Variants in ACTN1 observed in about 807,000 individuals in gnomAD.
ACTN1 encodes actinin alpha 1.
In ACTN1, 30 loss-of-function variants were observed where a neutral mutation model predicts 119.6. That is an observed-to-expected ratio of 0.25 (90% CI 0.19 to 0.34). The LOEUF is 0.34. Ranked by LOEUF, ACTN1 falls within the 10% of genes least tolerant of loss-of-function variation. The pLI, the probability that ACTN1 is intolerant of heterozygous loss-of-function variation, is 1.00. For synonymous variants in ACTN1, 429 were observed against 472.6 expected (o/e 0.91, Z 1.20); for missense variants, 764 against 1,223.4 (o/e 0.62, Z 5.60).
chr14:68,890,826 T>A (rs964440702), intron 10 of ACTN1, among the ~76,000 whole-genome samples: 6 of 152,050 alleles, frequency 3.9e-5, no homozygotes, highest in African/African-American at 9.7e-5. Flanking sequence ...AGATGCTGAG[T>A]GCAAACCCAC....
chr14:68,880,839 C>A lies in ACTN1; in HGVS notation c.2104G>T (p.Asp702Tyr). ...HQLIQEALIFDNKHTNYTMEH... is the reference protein window; with the variant it reads ...HQLIQEALIFYNKHTNYTMEH... Reference sequence around the variant, plus strand: ...ATGGTGTAGTTGGTGTGCTTGTTGTCGAAGATGAGCGCCTCCTGGATGAGC... The same window carrying A: ...ATGGTGTAGTTGGTGTGCTTGTTGTAGAAGATGAGCGCCTCCTGGATGAGC... Residue 702 changes from aspartate to tyrosine, a missense_variant, in exon 17 of 22, where the codon GAC (aspartate) becomes TAC (tyrosine). By Grantham distance (160) the Asp-to-Tyr change is radical. Coordinates refer to ENST00000394419, the MANE Select transcript of ACTN1 (RefSeq NM_001130004.2). The surrounding 1 kb of genome is among the most constrained non-coding windows in gnomAD (Gnocchi z 4.6). 6.2e-7 allele frequency: 1 copy of A among 1,614,130 alleles called. No homozygotes were observed. Among genetic ancestry groups the A allele is most frequent in the Non-Finnish European group, 8.5e-7 (1 of 1,180,016 alleles).
chr14:68,909,200 A>C lies in ACTN1; in HGVS notation c.594+118T>G. 3.0e-6 allele frequency: 3 copies of C among 1,003,978 alleles called. No individual in the cohort carries two copies. The South Asian group carries it at 4.2e-5, about 14-fold the overall frequency. The allele number at this position is 1,003,978 out of a possible 1,614,324, so 62.2% of individuals were successfully genotyped here. A position where few individuals can be genotyped will look rare whatever the true frequency, so the allele number is the denominator to read the frequency against. ...AGTTGGGGCTCTGTCTGGCTATTCT[A>C]AGAGGCCAACACTGCTCAGGCTGGA... On this transcript the variant is annotated intron_variant, in intron 6 of 21. Coordinates refer to ENST00000394419, the MANE Select transcript of ACTN1 (RefSeq NM_001130004.2). This position sits in a 1 kb window ranked among gnomAD's most constrained non-coding sequence, Gnocchi z 4.1.
At position 68,890,166 on chromosome 14, in the gene ACTN1, C is replaced by A. The variant is rs751742619; in HGVS notation, c.1207G>T (p.Ala403Ser). The A allele has an allele frequency of 4.3e-6, 7 of 1,614,056 alleles. 1 individual carries two copies. The South Asian group carries it at 7.7e-5, about 18-fold the overall frequency. ...DHLAEKFRQK[A>S]SIHEAWTDGK... ...TCAGTCCAGGCCTCGTGGATGGAGG[C>A]CTTCTGCCGGAACTTCTCTGCCAGG... is the stretch of plus-strand genomic sequence containing the variant. The change falls in exon 11 of 22, where the codon GCC becomes TCC. Residue 403 changes from alanine (A) to serine (S), a missense_variant. Ala to Ser is a moderately conservative substitution (Grantham distance 99). Transcript: ENST00000394419.
chr14:68,905,426 G>A (rs966214470), intron 6 of ACTN1, among the ~76,000 whole-genome samples: 4 of 152,132 alleles, frequency 2.6e-5, no homozygotes, highest in African/African-American at 4.8e-5. Flanking sequence ...GGTATTACAT[G>A]GTCCTACAAT....
At chr14:68,913,065 T>A (rs1485404837) in intron 3 of ACTN1, among the ~76,000 whole-genome samples, 1 of 152,238 alleles carries the variant, frequency 6.6e-6, no homozygotes, top group Non-Finnish European at 1.5e-5. Context: ...AGATGTTTTT[T>A]TAAAAAATCA....
intron 1 of ACTN1, among the ~76,000 whole-genome samples, chr14:68,929,073 G>A (rs1420373807): frequency 6.6e-6 from 1 of 151,872 alleles, no homozygotes; most frequent in Non-Finnish European, 1.5e-5. Flanking sequence ...CGGGTTCGTG[G>A]GAGAGGGCTG....
intron 3 of ACTN1, among the ~76,000 whole-genome samples, chr14:68,913,797 G>C (rs922447442): frequency 6.6e-6 from 1 of 152,210 alleles, no homozygotes; most frequent in Non-Finnish European, 1.5e-5. Flanking sequence ...GCGGGGCACA[G>C]TCCCACATCC....
At chr14:68,907,141 T>A (rs2006071) in intron 6 of ACTN1, among the ~76,000 whole-genome samples, 151,224 of 151,270 alleles carry the variant, frequency 1, 75,589 homozygotes, top group Non-Finnish European at 1. Flanking sequence ...GGGTGCCTGT[T>A]ATCCCAGCTA....
Position 68,904,672 on chromosome 14 carries a change from T to G in ACTN1, c.659A>C (p.Lys220Thr). 1.2e-6 allele frequency: 2 copies of G among 1,614,110 alleles called. No individual in the cohort carries two copies. The highest frequency in any genetic ancestry group is 1.7e-6 in the Non-Finnish European group (2 of 1,179,964). The change falls in exon 7 of 22, where the codon AAG (lysine) becomes ACG (threonine). Residue 220 changes from lysine to threonine, a missense_variant. Coordinates refer to ENST00000394419, the MANE Select transcript of ACTN1 (RefSeq NM_001130004.2). Reference protein sequence around the residue: ...DVAEKYLDIPKMLDAEDIVGT... With the variant: ...DVAEKYLDIPTMLDAEDIVGT... The stretch of plus-strand genomic sequence containing the variant: ...CCTTTCACCTTCGGCATCCAGCATC[T>G]TGGGGATGTCCAGGTACTTCTCTGC...
At chr14:68,929,483 C>T (rs910150377) in intron 1 of ACTN1, among the ~76,000 whole-genome samples, 3 of 152,132 alleles carry the variant, frequency 2.0e-5, no homozygotes, top group African/African-American at 7.2e-5. Flanking sequence ...TGAAGCCCTG[C>T]CCTATCTGGC....
At chr14:68,967,283 G>A (rs2036738676) in intron 1 of ACTN1, among the ~76,000 whole-genome samples, 3 of 152,176 alleles carry the variant, frequency 2.0e-5, no homozygotes, top group African/African-American at 4.8e-5. Flanking sequence ...CTCAGCATCT[G>A]TCAGTTGTCT....
At chr14:68,944,660 G>T (rs1313243110) in intron 1 of ACTN1, among the ~76,000 whole-genome samples, 2 of 152,158 alleles carry the variant, frequency 1.3e-5, no homozygotes, top group African/African-American at 4.8e-5. Context: ...ACTGATCCTG[G>T]GGGGCTGTAG....
chr14:68,878,964 CG>C lies in ACTN1; in HGVS notation c.2361+24del, dbSNP rs772262943. 1.2e-6 allele frequency: 2 copies of C among 1,612,918 alleles called. No individual in the cohort carries two copies. The highest frequency in any genetic ancestry group is 2.2e-5 in the South Asian group (2 of 91,032). On this transcript the variant is annotated intron_variant, in intron 19 of 21. Transcript: ENST00000394419. This position sits in a 1 kb window ranked among gnomAD's most constrained non-coding sequence, Gnocchi z 4.4. Reference sequence around the variant, plus strand: ...TCTTGCCCCAGACGCCACCCCTGAGCGTGCTCCATGCAGGAGGCGAGTACCT... The same window carrying C: ...TCTTGCCCCAGACGCCACCCCTGAGCTGCTCCATGCAGGAGGCGAGTACCT...
At chr14:68,884,947 C>A in intron 12 of ACTN1, 64 bp from the exon 13 acceptor site, 1 of 1,374,850 alleles carries the variant, frequency 7.3e-7, no homozygotes, top group South Asian at 1.2e-5. Context: ...ATCTCCCTCT[C>A]TCTGAGGCTG....
rs1566626173 is a variant in ACTN1 at position 68,909,306 on chromosome 14, G to A, written c.594+12C>T. 9.3e-6 allele frequency: 15 copies of A among 1,613,508 alleles called. No homozygotes were observed. The highest frequency in any genetic ancestry group is 1.7e-4 in the Middle Eastern group (1 of 5,928). ...AGGGACCCAAAGCGGGTGGTCAGGT[G>A]GGCACACATACCTTCCGCAGCTTCC... On this transcript the variant is annotated intron_variant, in intron 6 of 21. Coordinates refer to ENST00000394419, the MANE Select transcript of ACTN1 (RefSeq NM_001130004.2). The surrounding 1 kb of genome is among the most constrained non-coding windows in gnomAD (Gnocchi z 4.1).
chr14:68,946,715 G>T (rs1405336895), intron 1 of ACTN1, among the ~76,000 whole-genome samples: 4 of 152,166 alleles, frequency 2.6e-5, no homozygotes, highest in African/African-American at 9.7e-5. Flanking sequence ...ATCCTAGTGG[G>T]GCTCAGGGCT....
intron 1 of ACTN1, among the ~76,000 whole-genome samples, chr14:68,936,408 G>C (rs144671986): frequency 6.6e-6 from 1 of 152,222 alleles, no homozygotes; most frequent in African/African-American, 2.4e-5. Context: ...CTGCCTCCAG[G>C]GAGAGAAATG....
intron 8 of ACTN1, chr14:68,900,966 A>T (rs1003443444): frequency 4.6e-5 from 7 of 152,364 alleles, no homozygotes; most frequent in Non-Finnish European, 8.8e-5. Context: ...GAAGGAGAAG[A>T]GGTTGAGAGG....
Position 68,909,942 on chromosome 14 carries a change from C to A in ACTN1, c.515+13G>T. On this transcript the variant is annotated intron_variant, in intron 5 of 21. Coordinates refer to ENST00000394419, the MANE Select transcript of ACTN1 (RefSeq NM_001130004.2). The surrounding 1 kb of genome is among the most constrained non-coding windows in gnomAD (Gnocchi z 4.1). ...CCTGGTTCTGTGAGAGCCCCTCAGACCCCAGCACTCACCTTATGTGGAAGT... is the reference window on the plus strand; with the variant it reads ...CCTGGTTCTGTGAGAGCCCCTCAGAACCCAGCACTCACCTTATGTGGAAGT... 6.2e-7 allele frequency: 1 copy of A among 1,612,074 alleles called. No individual in the cohort carries two copies. The highest frequency in any genetic ancestry group is 1.1e-5 in the South Asian group (1 of 90,984).
Sources: allele counts gnomAD v4.1 joint callset (sites outside exome capture counted in the v4.1 genomes callset), GRCh38; gene constraint gnomAD v4.1.1; non-coding constraint Gnocchi (gnomAD v3.1); transcripts MANE v1.5; gene names NCBI Gene and HGNC (gene_info 2026-07-23, HGNC 2026-07-21).